WWOX: variants seen among roughly 807,000 people sequenced by gnomAD.
WWOX encodes WW domain containing oxidoreductase.
In WWOX, 69 loss-of-function variants were observed where a neutral mutation model predicts 46.2. That is an observed-to-expected ratio of 1.49 (90% CI 1.23 to 1.82). WWOX has a LOEUF of 1.82. WWOX is among the 40% of genes most tolerant of loss of function. The pLI, the probability that WWOX is intolerant of heterozygous loss-of-function variation, is 0.00. For missense variants in WWOX, 919 were observed against 542.6 expected (o/e 1.69, Z -6.89); for synonymous variants, 359 against 202.6 (o/e 1.77, Z -6.56).
chr16:78,259,891 T>A (rs1567463008), intron 5 of WWOX, among the ~76,000 whole-genome samples: 2 of 151,402 alleles, frequency 1.3e-5, no homozygotes, highest in Non-Finnish European at 2.9e-5. Flanking sequence ...TATAGACTTT[T>A]AAAAAACTTA....
At chr16:78,745,759 C>T (rs2049333749) in intron 8 of WWOX, among the ~76,000 whole-genome samples, 1 of 151,456 alleles carries the variant, frequency 6.6e-6, no homozygotes, top group South Asian at 2.1e-4. Context: ...CCTCTTCCTC[C>T]TCTTTTTCCC....
At chr16:78,813,551 A>G (rs1302660615) in intron 8 of WWOX, among the ~76,000 whole-genome samples, 1 of 152,020 alleles carries the variant, frequency 6.6e-6, no homozygotes, top group Non-Finnish European at 1.5e-5. Context: ...GCTTTGATGT[A>G]TGTATATGTG....
intron 5 of WWOX, among the ~76,000 whole-genome samples, chr16:78,165,243 C>G (rs1380322787): frequency 6.6e-6 from 1 of 152,224 alleles, no homozygotes; most frequent in Non-Finnish European, 1.5e-5. Context: ...GAAGTCCAGA[C>G]TGCATTCATT....
rs531221959 is a variant in WWOX, at chr16:78,915,216, CA to C, written c.1057-296391del. Among the ~76,000 whole-genome samples, 374 of 152,280 alleles carry C rather than the reference CA, an allele frequency of 2.5e-3. 1 individual carries two copies. Among genetic ancestry groups the C allele is most frequent in the African/African-American group, 8.5e-3 (355 of 41,568 alleles). The stretch of plus-strand genomic sequence containing the variant: ...ACTCACCCCAAATCAGATCATGATT[CA>C]TTTGGGTTGTACCGATTAAGAGGGT... On this transcript the variant is annotated intron_variant, in intron 8 of 8. Transcript: ENST00000566780.
At chr16:78,725,344 CTTT>C (rs1220702069) in intron 8 of WWOX, among the ~76,000 whole-genome samples, 18 of 61,888 alleles carry the variant, frequency 2.9e-4, no homozygotes, top group African/African-American at 1.3e-3. Context: ...CTTTTCTTTT[CTTT>C]TTTTTTTTTT....
intron 8 of WWOX, among the ~76,000 whole-genome samples, chr16:79,091,368 T>G (rs1555525789): frequency 6.6e-6 from 1 of 152,202 alleles, no homozygotes; most frequent in Non-Finnish European, 1.5e-5. Flanking sequence ...TTGAAGCTCT[T>G]TCACTGCTTT....
chr16:78,489,058 A>C (rs1401713828), intron 8 of WWOX, among the ~76,000 whole-genome samples: 1 of 152,102 alleles, frequency 6.6e-6, no homozygotes, highest in East Asian at 1.9e-4. Context: ...TCAGGAGATC[A>C]ATAGTTATCT....
At chr16:78,494,172 TAAAC>T (rs2084853811) in intron 8 of WWOX, among the ~76,000 whole-genome samples, 1 of 152,144 alleles carries the variant, frequency 6.6e-6, no homozygotes, top group African/African-American at 2.4e-5. Context: ...TAGATGCTTT[TAAAC>T]AAACAGATCT....
At chr16:78,394,272 C>T (rs1461704127) in intron 6 of WWOX, among the ~76,000 whole-genome samples, 1 of 152,076 alleles carries the variant, frequency 6.6e-6, no homozygotes, top group African/African-American at 2.4e-5. Context: ...AGTATGAAAA[C>T]CCAAAGAAAA....
At chr16:78,652,131 G>C (rs927257170) in intron 8 of WWOX, among the ~76,000 whole-genome samples, 4 of 151,962 alleles carry the variant, frequency 2.6e-5, no homozygotes, top group Admixed American at 6.6e-5. Flanking sequence ...GATGTTTGGG[G>C]CTGGGCGTGG....
intron 8 of WWOX, among the ~76,000 whole-genome samples, chr16:78,742,533 C>A (rs541616199): frequency 7.2e-5 from 11 of 152,330 alleles, no homozygotes; most frequent in Non-Finnish European, 1.6e-4. Flanking sequence ...TAGAAATGTT[C>A]TTTCCTCTGA....
At chr16:78,369,113 A>G (rs1241858705) in intron 5 of WWOX, among the ~76,000 whole-genome samples, 2 of 148,772 alleles carry the variant, frequency 1.3e-5, no homozygotes, top group East Asian at 2.0e-4. Context: ...TGAACTTGTG[A>G]TGTACACATT....
chr16:79,059,304 A>G (rs772213066), intron 8 of WWOX, among the ~76,000 whole-genome samples: 1 of 152,210 alleles, frequency 6.6e-6, no homozygotes, highest in East Asian at 1.9e-4. Context: ...TCCTTAATCT[A>G]GTGTGTAATT....
At chr16:78,129,487 C>G (rs2033502840) in intron 4 of WWOX, among the ~76,000 whole-genome samples, 1 of 152,090 alleles carries the variant, frequency 6.6e-6, no homozygotes, top group Non-Finnish European at 1.5e-5. Flanking sequence ...GTGTTGTAAT[C>G]TTATGGGACT....
At chr16:78,706,532 T>C (rs2048331588) in intron 8 of WWOX, among the ~76,000 whole-genome samples, 1 of 152,198 alleles carries the variant, frequency 6.6e-6, no homozygotes, top group South Asian at 2.1e-4. Flanking sequence ...CTTTCATTCG[T>C]CAACTACAAA....
At chr16:78,228,458 C>G (rs1391538656) in intron 5 of WWOX, among the ~76,000 whole-genome samples, 1 of 151,610 alleles carries the variant, frequency 6.6e-6, no homozygotes, top group Non-Finnish European at 1.5e-5. Flanking sequence ...CCTCCCACCT[C>G]AGCCTCCTGA....
At chr16:78,659,113 C>CAA (rs78729297) in intron 8 of WWOX, among the ~76,000 whole-genome samples, 3 of 142,932 alleles carry the variant, frequency 2.1e-5, no homozygotes, top group African/African-American at 7.7e-5. Flanking sequence ...AACAAACAAA[C>CAA]AAAAAAAAAA....
At chr16:78,920,308 A>G (rs1567649690) in intron 8 of WWOX, among the ~76,000 whole-genome samples, 1 of 152,210 alleles carries the variant, frequency 6.6e-6, no homozygotes, top group African/African-American at 2.4e-5. Flanking sequence ...AGGGATGTGT[A>G]ATCTCCCCAT....
chr16:78,754,187 C>A (rs577403471), intron 8 of WWOX, among the ~76,000 whole-genome samples: 16 of 152,182 alleles, frequency 1.1e-4, no homozygotes, highest in Admixed American at 9.8e-4. Context: ...GGGATGCCAT[C>A]TTCTCTGTCT....
Sources: gnomAD v4.1 joint callset for allele counts (sites outside exome capture counted in the v4.1 genomes callset) on GRCh38, gnomAD v4.1.1 for gene constraint, MANE v1.5 for transcripts, NCBI Gene and HGNC (gene_info 2026-07-23, HGNC 2026-07-21) for gene names.